Variants in ERICH3 observed in about 807,000 individuals in gnomAD.
ERICH3 encodes the protein glutamate-rich protein 3.
In ERICH3, 126 loss-of-function variants were observed where a neutral mutation model predicts 131.1. That is an observed-to-expected ratio of 0.96 (90% CI 0.83 to 1.11). The LOEUF (loss-of-function observed/expected upper bound fraction) is 1.11, where lower values mean the gene tolerates loss of function less well. Among genes scored for constraint, ERICH3 ranks in the 50% most tolerant of loss-of-function variants. The pLI, the probability that ERICH3 is intolerant of heterozygous loss-of-function variation, is 0.00. For synonymous variants in ERICH3, 695 were observed against 644.6 expected, an observed-to-expected ratio of 1.08 and a Z score of -1.18; for missense variants, 2,050 against 1,810.7, an observed-to-expected ratio of 1.13 and a Z score of -2.40.
intron 12 of ERICH3, among the ~76,000 whole-genome samples, chr1:74,583,515 CTTA>C (rs1180239237): frequency 6.6e-6 from 1 of 151,946 alleles, no homozygotes; most frequent in Non-Finnish European, 1.5e-5. Flanking sequence ...CTCTGTCTGT[CTTA>C]TTATACTGTA....
At chr1:74,630,345 C>T (rs1475314654) in intron 7 of ERICH3, among the ~76,000 whole-genome samples, 1 of 152,178 alleles carries the variant, frequency 6.6e-6, no homozygotes, top group Non-Finnish European at 1.5e-5. Flanking sequence ...CTGATACTTC[C>T]TACTCCATTG....
chr1:74,632,063 C>T (rs1211435674), intron 6 of ERICH3, 135 bp from the exon 7 acceptor site: 2 of 721,986 alleles, frequency 2.8e-6, no homozygotes, highest in Non-Finnish European at 4.5e-6. Flanking sequence ...ACTCAAAACA[C>T]TCCAGTCTGC....
intron 1 of ERICH3, among the ~76,000 whole-genome samples, chr1:74,663,745 A>T (rs1042116323): frequency 6.6e-5 from 10 of 151,014 alleles, no homozygotes; most frequent in Admixed American, 2.0e-4. Context: ...AGAAAAAAAT[A>T]AAAAAATGTT....
intron 7 of ERICH3, among the ~76,000 whole-genome samples, chr1:74,630,321 T>C (rs1163849192): frequency 2.0e-5 from 3 of 152,204 alleles, no homozygotes; most frequent in African/African-American, 7.2e-5. Context: ...TTCGCTGCCC[T>C]TTTCTGTGAG....
chr1:74,614,512 T>C (rs1282582210), intron 8 of ERICH3, among the ~76,000 whole-genome samples: 2 of 151,092 alleles, frequency 1.3e-5, no homozygotes, highest in East Asian at 3.9e-4. Flanking sequence ...CCGTCTCTAC[T>C]AAAAATACAA....
intron 7 of ERICH3, among the ~76,000 whole-genome samples, chr1:74,629,909 T>C (rs1167459251): frequency 6.6e-6 from 1 of 152,110 alleles, no homozygotes; most frequent in Non-Finnish European, 1.5e-5. Context: ...GTGCTTGCTC[T>C]GGAAAAATTA....
rs1038677645 is a variant in ERICH3 at position 74,614,232 on chromosome 1, C to A, written c.1001-1423G>T. Among the ~76,000 whole-genome samples, 6 of 152,064 alleles carry A rather than the reference C, an allele frequency of 3.9e-5. No homozygotes were observed. The East Asian group carries it at 1.2e-3, about 29-fold the overall frequency. ...TACATGTTTGTGAAATCCATAAGAG[C>A]TGAAGTTGATGCATCTTTTTTCTCC... On this transcript the variant is annotated intron_variant, in intron 8 of 14. Transcript: ENST00000326665.
chr1:74,631,181 C>A (rs948608981), intron 7 of ERICH3, among the ~76,000 whole-genome samples: 4 of 152,004 alleles, frequency 2.6e-5, no homozygotes, highest in Non-Finnish European at 4.4e-5. Flanking sequence ...TGCCTTCTTA[C>A]TAGCTTGTAT....
At chr1:74,640,228 G>T (rs1646426601) in intron 5 of ERICH3, among the ~76,000 whole-genome samples, 1 of 152,078 alleles carries the variant, frequency 6.6e-6, no homozygotes, top group African/African-American at 2.4e-5. Flanking sequence ...GCACTTGATT[G>T]TTTCTTTTGT....
chr1:74,573,624 T>C (rs1647000876), intron 13 of ERICH3, 133 bp from the exon 14 acceptor site: 2 of 1,066,890 alleles, frequency 1.9e-6, no homozygotes, highest in Non-Finnish European at 2.4e-6. Context: ...TTGTATTATA[T>C]ATAAAACACT....
At chr1:74,613,099 G>T (rs1416668805) in intron 8 of ERICH3, among the ~76,000 whole-genome samples, 1 of 152,166 alleles carries the variant, frequency 6.6e-6, no homozygotes, top group African/African-American at 2.4e-5. Flanking sequence ...ATTCAAAGTT[G>T]CATGCAGCCT....
At chr1:74,672,899 T>C (rs1646754835) in intron 1 of ERICH3, among the ~76,000 whole-genome samples, 2 of 152,000 alleles carry the variant, frequency 1.3e-5, no homozygotes, top group Admixed American at 1.3e-4. Context: ...CATGAGTAAA[T>C]ACACAGGCAC....
intron 12 of ERICH3, among the ~76,000 whole-genome samples, chr1:74,582,649 CAT>C (rs1281779208): frequency 1.3e-5 from 2 of 152,166 alleles, no homozygotes; most frequent in East Asian, 1.9e-4. Context: ...AATCAAATAA[CAT>C]ATGAAAATTC....
Position 74,602,126 on chromosome 1 carries a change from C to T in ERICH3, c.1490-2195G>A, listed in dbSNP as rs1405779994. ...AGTACAAGTGTCCACAATTAGGACACAATTACAGTTATATAATTGAGGCAC... is the reference window on the plus strand; with the variant it reads ...AGTACAAGTGTCCACAATTAGGACATAATTACAGTTATATAATTGAGGCAC... On this transcript the variant is annotated intron_variant, in intron 10 of 14. Coordinates refer to ENST00000326665, the MANE Select transcript of ERICH3 (RefSeq NM_001002912.5). Among the ~76,000 whole-genome samples the T allele has an allele frequency of 2.0e-5, 3 of 151,810 alleles. No individual in the cohort carries two copies. In the East Asian group the frequency reaches 5.8e-4, roughly 29 times the overall value.
intron 12 of ERICH3, among the ~76,000 whole-genome samples, chr1:74,585,155 A>C (rs1647271456): frequency 6.6e-6 from 1 of 152,316 alleles, no homozygotes; most frequent in Non-Finnish European, 1.5e-5. Flanking sequence ...AAATTAATGC[A>C]CTTGAGTTAT....
intron 1 of ERICH3, among the ~76,000 whole-genome samples, chr1:74,663,697 TATA>T (rs946047411): frequency 6.0e-5 from 9 of 150,712 alleles, no homozygotes; most frequent in African/African-American, 2.2e-4. Context: ...TTGATAAGAA[TATA>T]ATGCCTGAAT....
chr1:74,661,178 A>G (rs1646638317), intron 1 of ERICH3, among the ~76,000 whole-genome samples: 1 of 152,156 alleles, frequency 6.6e-6, no homozygotes, highest in Non-Finnish European at 1.5e-5. Flanking sequence ...TGGTAATGAC[A>G]TCTGGGCAAA....
intron 10 of ERICH3, among the ~76,000 whole-genome samples, chr1:74,603,863 T>C (rs1199746993): frequency 6.6e-6 from 1 of 151,922 alleles, no homozygotes; most frequent in Non-Finnish European, 1.5e-5. Context: ...CCCTTGATGT[T>C]AGTGGCTCCT....
At chr1:74,662,697 A>G (rs1202282824) in intron 1 of ERICH3, among the ~76,000 whole-genome samples, 2 of 152,184 alleles carry the variant, frequency 1.3e-5, no homozygotes, top group Non-Finnish European at 2.9e-5. Context: ...CTTACAGGCC[A>G]GCTTTCACAT....
Sources: allele counts gnomAD v4.1 joint callset (sites outside exome capture counted in the v4.1 genomes callset), GRCh38; gene constraint gnomAD v4.1.1; transcripts MANE v1.5; gene names NCBI Gene and HGNC (gene_info 2026-07-23, HGNC 2026-07-21).